The following DNAI7 variants were observed in gnomAD, a reference collection of about 807,000 sequenced individuals.
DNAI7 encodes cancer susceptibility 1.
Under a neutral mutation model 86.6 loss-of-function variants are expected in DNAI7, and 78 were observed. The ratio of observed to expected loss-of-function variants is 0.90; its 90% CI spans 0.75 to 1.09. DNAI7 has a LOEUF of 1.09. Ranked by LOEUF, DNAI7 falls within the 50% of genes least tolerant of loss-of-function variation. The probability of loss-of-function intolerance (pLI) is 0.00; values close to 1 mark genes in which losing one functional copy is unlikely to be tolerated. For missense variants in DNAI7, 753 were observed against 810.2 expected (o/e 0.93, Z 0.86); for synonymous variants, 274 against 273.0 (o/e 1.00, Z -0.04).
At position 25,174,561 on chromosome 12, in the gene DNAI7, T is replaced by C. The variant is rs1268048763; in HGVS notation, c.22-13364A>G. Among the ~76,000 whole-genome samples the C allele has an allele frequency of 7.2e-4, 44 of 61,460 alleles. 4 individuals are homozygous for C. The highest frequency in any genetic ancestry group is 1.0e-3 in the Non-Finnish European group (34 of 33,792). The allele number at this position is 61,460 out of a possible 152,430, so 40.3% of individuals were successfully genotyped here. On this transcript the variant is annotated intron_variant, in intron 2 of 15. Transcript: ENST00000395987. ...ATGGGATATATATATGATATATATA[T>C]CATATATATGGGATATATATCATAT...
chr12:25,152,007 A>G (rs1945606918), intron 6 of DNAI7, among the ~76,000 whole-genome samples: 1 of 152,340 alleles, frequency 6.6e-6, no homozygotes, highest in East Asian at 1.9e-4. Flanking sequence ...TAGGAATAAG[A>G]GTAGTGAATT....
intron 6 of DNAI7, among the ~76,000 whole-genome samples, chr12:25,152,567 C>A (rs1945682651): frequency 6.6e-6 from 1 of 152,138 alleles, no homozygotes; most frequent in Non-Finnish European, 1.5e-5. Flanking sequence ...TTTGTAATAT[C>A]CTTTATAATA....
chr12:25,120,638 T>C (rs1234971792), intron 11 of DNAI7, among the ~76,000 whole-genome samples: 2 of 151,512 alleles, frequency 1.3e-5, no homozygotes, highest in African/African-American at 2.4e-5. Flanking sequence ...GGCAGGAGAA[T>C]GGCGTGAACC....
At chr12:25,191,896 G>A (rs967385204) in intron 1 of DNAI7, among the ~76,000 whole-genome samples, 3 of 152,072 alleles carry the variant, frequency 2.0e-5, no homozygotes, top group African/African-American at 7.2e-5. Flanking sequence ...TCAGATTTCT[G>A]GTAAGGAATT....
chr12:25,126,103 CA>C (rs34095180), intron 9 of DNAI7, among the ~76,000 whole-genome samples: 2 of 151,984 alleles, frequency 1.3e-5, no homozygotes, highest in Non-Finnish European at 2.9e-5. Flanking sequence ...GATCCTCCCC[CA>C]AAAAGGGTGG....
In DNAI7 at chr12:25,108,318, G is replaced by C; in HGVS notation, c.*230C>G. The C allele has an allele frequency of 1.9e-6, 1 of 539,540 alleles. No individual in the cohort carries two copies. The highest frequency in any genetic ancestry group is 3.6e-5 in the South Asian group (1 of 28,130). 33.4% of individuals were successfully genotyped at this position (539,540 alleles called of 1,614,324 possible). ...GTTTGTTAAAGTTTATTGAAATAAA[G>C]AATCATTTAAATCTTCATAGAGTGA... On this transcript the variant is annotated 3_prime_UTR_variant, in exon 16 of 16. Coordinates refer to ENST00000395987, the MANE Select transcript of DNAI7 (RefSeq NM_018272.5).
At chr12:25,108,960 T>C (rs1488914448) in intron 15 of DNAI7, 137 bp from the exon 16 acceptor site, 2 of 559,344 alleles carry the variant, frequency 3.6e-6, no homozygotes, top group African/African-American at 3.7e-5. Context: ...ATGTGTTCCA[T>C]TACTGGGTTT....
At chr12:25,139,620 T>C (rs1248046121) in intron 9 of DNAI7, among the ~76,000 whole-genome samples, 3 of 152,166 alleles carry the variant, frequency 2.0e-5, no homozygotes, top group Non-Finnish European at 4.4e-5. Context: ...ACACTGCATG[T>C]TCTCACTCAT....
chr12:25,182,102 CT>C (rs201492597), intron 2 of DNAI7, among the ~76,000 whole-genome samples: 9,685 of 150,590 alleles, frequency 0.064, 335 homozygotes, highest in South Asian at 0.11. Context: ...AATTCCAGCA[CT>C]TTGGGAGGCC....
intron 4 of DNAI7, among the ~76,000 whole-genome samples, chr12:25,158,123 G>C (rs1946410824): frequency 6.6e-6 from 1 of 152,058 alleles, no homozygotes; most frequent in African/African-American, 2.4e-5. Context: ...CAGCTACTCG[G>C]AAGGCTGAGG....
intron 2 of DNAI7, among the ~76,000 whole-genome samples, chr12:25,181,968 T>C (rs1242603716): frequency 1.3e-5 from 2 of 152,052 alleles, no homozygotes; most frequent in African/African-American, 4.8e-5. Flanking sequence ...TATTAAAGAA[T>C]TTAAAATAAA....
chr12:25,148,774 A>G (rs1256032725), intron 7 of DNAI7, among the ~76,000 whole-genome samples: 3 of 152,168 alleles, frequency 2.0e-5, no homozygotes. Context: ...CTTCTAAGCT[A>G]GCCTCTTAGC....
At position 25,108,825 on chromosome 12, in the gene DNAI7, T is replaced by TC; in HGVS notation, c.1894-3_1894-2insG. ...TGCTTCAGTAAGGTGTTCCCTCACCTAAAAAAAAAAAAAATTCAAGCAAGT... is the reference window on the plus strand; with the variant it reads ...TGCTTCAGTAAGGTGTTCCCTCACCTCAAAAAAAAAAAAAATTCAAGCAAGT... On this transcript the variant is annotated splice_polypyrimidine_tract_variant and splice_region_variant and intron_variant, in intron 15 of 15. Transcript: ENST00000395987. The TC allele has an allele frequency of 9.6e-6, 1 of 104,528 alleles. No individual in the cohort carries two copies. The highest frequency in any genetic ancestry group is 1.7e-4 in the East Asian group (1 of 5,924). The allele number at this position is 104,528 out of a possible 1,614,324, so 6.5% of individuals were successfully genotyped here.
chr12:25,148,865 T>C (rs1456743146), intron 7 of DNAI7, among the ~76,000 whole-genome samples: 1 of 152,206 alleles, frequency 6.6e-6, no homozygotes, highest in East Asian at 1.9e-4. Flanking sequence ...TCCAGCCTCA[T>C]CTTTCACTTT....
chr12:25,127,030 T>C (rs1942232790), intron 9 of DNAI7, among the ~76,000 whole-genome samples: 1 of 152,226 alleles, frequency 6.6e-6, no homozygotes, highest in Non-Finnish European at 1.5e-5. Flanking sequence ...GAGGATATTC[T>C]TGCATATAAC....
At chr12:25,146,312 A>G (rs1944824167) in intron 8 of DNAI7, among the ~76,000 whole-genome samples, 1 of 135,772 alleles carries the variant, frequency 7.4e-6, no homozygotes. Context: ...GAAAGTACCT[A>G]TTAGCTGGGC....
intron 6 of DNAI7, among the ~76,000 whole-genome samples, chr12:25,153,046 T>C (rs1162922371): frequency 1.3e-5 from 2 of 152,210 alleles, no homozygotes; most frequent in African/African-American, 4.8e-5. Flanking sequence ...CTATAATACA[T>C]GCCTGTCAAC....
At chr12:25,191,655 A>G (rs1592749137) in intron 1 of DNAI7, among the ~76,000 whole-genome samples, 1 of 152,224 alleles carries the variant, frequency 6.6e-6, no homozygotes, top group Non-Finnish European at 1.5e-5. Context: ...GTAAGCCAAC[A>G]TCGCACCACT....
At chr12:25,163,237 A>G (rs556526340) in intron 2 of DNAI7, among the ~76,000 whole-genome samples, 1 of 152,312 alleles carries the variant, frequency 6.6e-6, no homozygotes, top group Admixed American at 6.5e-5. Flanking sequence ...GCCCAAGCTA[A>G]GCCATCATAT....
Sources: gnomAD v4.1 joint callset for allele counts (sites outside exome capture counted in the v4.1 genomes callset) on GRCh38, gnomAD v4.1.1 for gene constraint, MANE v1.5 for transcripts, NCBI Gene and HGNC (gene_info 2026-07-23, HGNC 2026-07-21) for gene names.